Variants in TTC4 observed in about 807,000 individuals in gnomAD.
TTC4 encodes the protein hsp70/Hsp90 co-chaperone CNS1 homolog.
TTC4 carries 36 observed loss-of-function variants against 51.9 expected under a neutral mutation model. That is an observed-to-expected ratio of 0.69 (90% CI 0.53 to 0.92). The LOEUF (loss-of-function observed/expected upper bound fraction) is 0.92. Among genes scored for constraint, TTC4 ranks in the 40% least tolerant of loss-of-function variants. The pLI is 0.00. For synonymous variants in TTC4, 144 were observed against 164.2 expected, an observed-to-expected ratio of 0.88 and a Z score of 0.94; for missense variants, 399 against 454.6, an observed-to-expected ratio of 0.88 and a Z score of 1.11.
chr1:54,718,690 A>G (rs955484486), intron 3 of TTC4, among the ~76,000 whole-genome samples: 1 of 152,228 alleles, frequency 6.6e-6, no homozygotes, highest in Non-Finnish European at 1.5e-5. Context: ...TAACACCAAC[A>G]TCATGCAGGT....
rs1389853636 is a variant in TTC4, at chr1:54,741,639, T to C, written c.*126T>C. 2 of 785,514 alleles carry C rather than the reference T, an allele frequency of 2.5e-6. No homozygotes were observed. The highest frequency in any genetic ancestry group is 3.5e-5 in the African/African-American group (2 of 57,596). 48.7% of individuals were successfully genotyped at this position (785,514 alleles called of 1,614,324 possible). A position where few individuals can be genotyped will look rare whatever the true frequency, so the allele number is the denominator to read the frequency against. The stretch of plus-strand genomic sequence containing the variant: ...CCGTCACCCTGGGGATAGTCCTTCC[T>C]GGCATCGTGGTGGGGGAGGAGCCTC... On this transcript the variant is annotated 3_prime_UTR_variant, in exon 10 of 10. Coordinates refer to ENST00000371281, the MANE Select transcript of TTC4 (RefSeq NM_004623.5).
intron 7 of TTC4, 41 bp downstream of exon 7, chr1:54,731,741 C>G: frequency 1.3e-6 from 2 of 1,585,478 alleles, no homozygotes; most frequent in Non-Finnish European, 1.7e-6. Context: ...TGCTTGCATG[C>G]TGTCTCTGTT....
chr1:54,718,608 A>G (rs1415627655), intron 3 of TTC4, among the ~76,000 whole-genome samples: 2 of 152,158 alleles, frequency 1.3e-5, no homozygotes, highest in Non-Finnish European at 2.9e-5. Context: ...AACATGTTAA[A>G]GACACTGAGA....
chr1:54,728,310 GTCTC>G, intron 5 of TTC4, 32 bp from the exon 6 acceptor site: 2 of 1,585,788 alleles, frequency 1.3e-6, no homozygotes. Context: ...AGGAAGCCAG[GTCTC>G]TAGAGCTGAT....
At chr1:54,733,747 ATTTTTTTTT>A (rs371403281) in intron 8 of TTC4, 37 bp downstream of exon 8, 117,853 of 789,798 alleles carry the variant, frequency 0.15, 2,255 homozygotes, top group South Asian at 0.19. Flanking sequence ...TATGGAATTA[ATTTTTTTTT>A]TTTTTTTTTT....
At chr1:54,735,375 A>C (rs1398628693) in intron 8 of TTC4, among the ~76,000 whole-genome samples, 1 of 151,538 alleles carries the variant, frequency 6.6e-6, no homozygotes, top group Non-Finnish European at 1.5e-5. Context: ...CTCAGATACC[A>C]CGCCCAGCTA....
intron 6 of TTC4, among the ~76,000 whole-genome samples, chr1:54,729,448 G>T (rs1343282382): frequency 6.6e-6 from 1 of 152,116 alleles, no homozygotes; most frequent in Non-Finnish European, 1.5e-5. Context: ...TTTCAGAGAG[G>T]TGAAGAAACC....
intron 5 of TTC4, among the ~76,000 whole-genome samples, chr1:54,723,145 C>G (rs1557744325): frequency 6.6e-6 from 1 of 152,192 alleles, no homozygotes; most frequent in Non-Finnish European, 1.5e-5. Context: ...CAGATACTTA[C>G]CATTGTGTTA....
At chr1:54,733,799 T>G in intron 8 of TTC4, 89 bp downstream of exon 8, 1 of 873,036 alleles carries the variant, frequency 1.1e-6, no homozygotes, top group Non-Finnish European at 1.7e-6. Flanking sequence ...GTCTGCTTTA[T>G]TTTTTTGAAA....
chr1:54,716,881 G>A (rs1467625466), intron 2 of TTC4, among the ~76,000 whole-genome samples, 164 bp downstream of exon 2: 1 of 152,148 alleles, frequency 6.6e-6, no homozygotes, highest in East Asian at 1.9e-4. Flanking sequence ...TAAGGACTGG[G>A]GATACAGGGG....
chr1:54,729,024 A>G (rs989126345), intron 6 of TTC4, among the ~76,000 whole-genome samples: 20 of 152,194 alleles, frequency 1.3e-4, no homozygotes, highest in African/African-American at 4.8e-4. Flanking sequence ...TATTTGGCAT[A>G]TCCGAATTGC....
chr1:54,716,973 A>G (rs770192148), intron 2 of TTC4, among the ~76,000 whole-genome samples: 4 of 152,216 alleles, frequency 2.6e-5, no homozygotes, highest in African/African-American at 7.2e-5. Flanking sequence ...AACTTATGCT[A>G]TAAGTGTCAA....
chr1:54,717,910 T>C (rs891959193), intron 3 of TTC4: 4 of 322,454 alleles, frequency 1.2e-5, no homozygotes, highest in Non-Finnish European at 2.2e-5. Flanking sequence ...TGAGGCAGTA[T>C]GTTCTGAGAT....
chr1:54,741,367 TTG>T (rs1218216030), intron 9 of TTC4, 42 bp from the exon 10 acceptor site: 1 of 1,516,376 alleles, frequency 6.6e-7, no homozygotes, highest in South Asian at 1.1e-5. Flanking sequence ...ATGGTTAAGA[TTG>T]TAATTAAATT....
chr1:54,728,710 C>G (rs74655851), intron 6 of TTC4, among the ~76,000 whole-genome samples: 7,961 of 152,224 alleles, frequency 0.052, 536 homozygotes, highest in African/African-American at 0.14. Context: ...TGCTTGAAAT[C>G]TCAAATAGTT....
intron 3 of TTC4, among the ~76,000 whole-genome samples, chr1:54,717,992 C>A (rs1260297556): frequency 1.3e-5 from 2 of 152,112 alleles, no homozygotes; most frequent in African/African-American, 4.8e-5. Context: ...TTCAAGGATG[C>A]TAGCAGGAGT....
intron 3 of TTC4, among the ~76,000 whole-genome samples, chr1:54,720,236 A>G (rs1645727184): frequency 6.6e-6 from 1 of 152,178 alleles, no homozygotes; most frequent in African/African-American, 2.4e-5. Context: ...AATAAAATGA[A>G]GAAGAATGTG....
At chr1:54,724,463 T>C (rs1165544877) in intron 5 of TTC4, among the ~76,000 whole-genome samples, 1 of 151,506 alleles carries the variant, frequency 6.6e-6, no homozygotes, top group Non-Finnish European at 1.5e-5. Context: ...ATTTGTAGAG[T>C]TGGGGTTTCA....
intron 1 of TTC4, 91 bp from the exon 2 acceptor site, chr1:54,716,509 G>T (rs745678139): frequency 3.2e-6 from 3 of 947,890 alleles, no homozygotes; most frequent in East Asian, 2.4e-5. Context: ...TGCAAATCAT[G>T]ATGAGTAAAA....
Sources: allele counts gnomAD v4.1 joint callset (sites outside exome capture counted in the v4.1 genomes callset), GRCh38; gene constraint gnomAD v4.1.1; transcripts MANE v1.5; gene names NCBI Gene and HGNC (gene_info 2026-07-23, HGNC 2026-07-21).